The following HAUS6 variants were observed in gnomAD, a reference collection of about 807,000 sequenced individuals.
HAUS6 encodes HAUS augmin like complex subunit 6.
In HAUS6, 80 loss-of-function variants were observed where a neutral mutation model predicts 106.8. The ratio of observed to expected loss-of-function variants is 0.75; its 90% CI spans 0.63 to 0.90. The LOEUF (loss-of-function observed/expected upper bound fraction) is 0.90, where lower values mean the gene tolerates loss of function less well. Ranked by LOEUF, HAUS6 falls within the 40% of genes least tolerant of loss-of-function variation. HAUS6 has a pLI of 0.00. For missense variants in HAUS6, 1,155 were observed against 1,118.1 expected, an observed-to-expected ratio of 1.03 and a Z score of -0.47; for synonymous variants, 356 against 379.1, an observed-to-expected ratio of 0.94 and a Z score of 0.71.
chr9:19,080,980 G>A (rs1284053341), intron 8 of HAUS6, among the ~76,000 whole-genome samples: 1 of 152,046 alleles, frequency 6.6e-6, no homozygotes, highest in East Asian at 1.9e-4. Context: ...GCTGAGGCAG[G>A]AGAATCGCTT....
intron 11 of HAUS6, among the ~76,000 whole-genome samples, chr9:19,074,795 T>A (rs1484830666): frequency 6.6e-6 from 1 of 152,196 alleles, no homozygotes; most frequent in Non-Finnish European, 1.5e-5. Flanking sequence ...ATAAAATTTG[T>A]TTTTTATTCA....
intron 1 of HAUS6, among the ~76,000 whole-genome samples, chr9:19,099,525 T>C (rs1247448589): frequency 2.0e-5 from 3 of 152,128 alleles, no homozygotes; most frequent in Admixed American, 6.6e-5. Context: ...AGTGCAGTGC[T>C]ACCATCATAG....
intron 6 of HAUS6, 137 bp downstream of exon 6, chr9:19,086,954 C>G: frequency 1.6e-6 from 1 of 631,370 alleles, no homozygotes; most frequent in Non-Finnish European, 2.8e-6. Flanking sequence ...GCAGTCATAA[C>G]TATGCTCTAA....
chr9:19,092,482 G>A (rs1011109420), intron 4 of HAUS6, among the ~76,000 whole-genome samples: 1 of 151,786 alleles, frequency 6.6e-6, no homozygotes, highest in Non-Finnish European at 1.5e-5. Flanking sequence ...GGGTGTAGAA[G>A]TGCATGCCTG....
rs756480163 is a variant in HAUS6 at position 19,058,374 on chromosome 9, T to C, written c.2393A>G (p.Asn798Ser). 2 of 1,613,912 alleles carry C rather than the reference T, an allele frequency of 1.2e-6. No individual in the cohort carries two copies. The highest frequency in any genetic ancestry group is 1.7e-5 in the Admixed American group (1 of 60,004). ...SFNSSSSSEA[N>S]FKLEPNSPMH... is the part of the protein sequence containing the mutation. ...AGGACTATTTGGCTCCAGTTTAAAA[T>C]TGGCCTCTGAACTACTGGAACTATT... Residue 798 changes from asparagine (N) to serine (S), a missense_variant, in exon 16 of 17, where the codon AAT (asparagine) becomes AGT (serine). Asn to Ser is a conservative substitution (Grantham distance 46). Around this residue, in one of 3 missense-constraint regions of HAUS6, gnomAD observed 380 missense variants for 394.8 expected, o/e 0.96. Coordinates refer to ENST00000380502, the MANE Select transcript of HAUS6 (RefSeq NM_017645.5).
rs1332913155 is a variant in HAUS6, at chr9:19,058,942, C to A, written c.1825G>T (p.Glu609Ter). Residue 609 changes from glutamate to a stop codon, truncating the protein, a stop_gained, in exon 16 of 17, where the codon GAA becomes TAA. Coordinates refer to ENST00000380502, the MANE Select transcript of HAUS6 (RefSeq NM_017645.5). LOFTEE classifies it high-confidence loss of function. Reference sequence around the variant, plus strand: ...TGTTCAGCATCCATTTGAATTGGTTCTTTAGTTCTGTTTTCTTCCATTTCA... The same window carrying A: ...TGTTCAGCATCCATTTGAATTGGTTATTTAGTTCTGTTTTCTTCCATTTCA... ...AIEMEENRTK[E>*]PIQMDAEHRE... The A allele has an allele frequency of 6.2e-7, 1 of 1,603,442 alleles. No homozygotes were observed. Among genetic ancestry groups the A allele is most frequent in the Non-Finnish European group, 8.5e-7 (1 of 1,170,564 alleles).
intron 8 of HAUS6, among the ~76,000 whole-genome samples, chr9:19,081,922 G>C (rs145125921): frequency 5.8e-4 from 88 of 152,158 alleles, no homozygotes; most frequent in African/African-American, 2.0e-3. Context: ...TCTCTCTTCA[G>C]AGAGTCACAA....
intron 14 of HAUS6, among the ~76,000 whole-genome samples, chr9:19,061,217 A>T (rs540513328): frequency 5.9e-5 from 9 of 152,114 alleles, no homozygotes; most frequent in Non-Finnish European, 8.8e-5. Context: ...GGCCCATGGA[A>T]AAAAAGGGCT....
intron 14 of HAUS6, among the ~76,000 whole-genome samples, chr9:19,061,378 C>A (rs1449691420): frequency 6.6e-6 from 1 of 152,112 alleles, no homozygotes; most frequent in Non-Finnish European, 1.5e-5. Context: ...AATATAAATT[C>A]TTTTAATCAG....
Position 19,078,325 on chromosome 9 carries a change from T to C in HAUS6, c.1065-23A>G, listed in dbSNP as rs751793119. On this transcript the variant is annotated intron_variant, in intron 9 of 16. Transcript: ENST00000380502. ...TACCTATAATAGCATAAAAAAACTT[T>C]ATTCAAAAGATGATACAAAAAAAGC... 31 of 1,295,806 alleles carry C rather than the reference T, an allele frequency of 2.4e-5. No individual in the cohort carries two copies. In the South Asian group the frequency reaches 3.6e-4, roughly 15 times the overall value. 80.3% of individuals were successfully genotyped at this position (1,295,806 alleles called of 1,614,324 possible).
In HAUS6 at chr9:19,055,574, AAGT is replaced by A. The variant is rs1836452036; in HGVS notation, c.*766_*768del. The A allele has an allele frequency of 6.6e-6, 1 of 152,384 alleles. No individual in the cohort carries two copies. Among genetic ancestry groups the A allele is most frequent in the Non-Finnish European group, 1.5e-5 (1 of 68,046 alleles). The allele number at this position is 152,384 out of a possible 1,614,324, so 9.4% of individuals were successfully genotyped here. A position where few individuals can be genotyped will look rare whatever the true frequency, so the allele number is the denominator to read the frequency against. On this transcript the variant is annotated 3_prime_UTR_variant, in exon 17 of 17. Coordinates refer to ENST00000380502, the MANE Select transcript of HAUS6 (RefSeq NM_017645.5). The stretch of plus-strand genomic sequence containing the variant: ...AATTTATATTTTTGTTAAAATATAA[AAGT>A]AGCATTAAATTATCAAAGTCTAAAT...
At chr9:19,101,689 A>G (rs1167190780) in intron 1 of HAUS6, among the ~76,000 whole-genome samples, 1 of 152,212 alleles carries the variant, frequency 6.6e-6, no homozygotes, top group African/African-American at 2.4e-5. Flanking sequence ...TGGGAGGCCG[A>G]GGCAGGTGGA....
intron 11 of HAUS6, among the ~76,000 whole-genome samples, chr9:19,072,240 C>T (rs1291515673): frequency 1.3e-5 from 2 of 151,182 alleles, no homozygotes; most frequent in East Asian, 1.9e-4. Flanking sequence ...GGGCCAGGTA[C>T]GATGACTAAC....
intron 5 of HAUS6, 142 bp downstream of exon 5, chr9:19,089,265 AAAAAG>A: frequency 8.2e-6 from 5 of 609,736 alleles, no homozygotes; most frequent in South Asian, 2.1e-5. Flanking sequence ...AGGGAAAAAA[AAAAAG>A]AAGAAGAAGT....
intron 13 of HAUS6, 54 bp downstream of exon 13, chr9:19,063,460 T>C: frequency 1.2e-6 from 1 of 862,940 alleles, no homozygotes; most frequent in Non-Finnish European, 1.8e-6. Context: ...AAATAAATAA[T>C]ATTTTATAAT....
At chr9:19,091,083 A>G (rs1053385230) in intron 4 of HAUS6, among the ~76,000 whole-genome samples, 3 of 151,756 alleles carry the variant, frequency 2.0e-5, no homozygotes, top group African/African-American at 7.2e-5. Flanking sequence ...GGTGGATCAC[A>G]AGGTCAGGAG....
At chr9:19,082,385 A>G (rs1280312655) in intron 8 of HAUS6, among the ~76,000 whole-genome samples, 8 of 152,220 alleles carry the variant, frequency 5.3e-5, no homozygotes, top group Non-Finnish European at 1.2e-4. Flanking sequence ...GCAATTAATA[A>G]AAGTGAATAT....
intron 12 of HAUS6, among the ~76,000 whole-genome samples, chr9:19,068,919 A>T (rs1052590180): frequency 6.6e-6 from 1 of 152,192 alleles, no homozygotes; most frequent in Non-Finnish European, 1.5e-5. Context: ...TTACTGGAGG[A>T]AGTTAGAACA....
At position 19,059,017 on chromosome 9, in the gene HAUS6, A is replaced by G; in HGVS notation, c.1766-16T>C. 7.2e-7 allele frequency: 1 copy of G among 1,386,452 alleles called. No homozygotes were observed. 85.9% of individuals were successfully genotyped at this position (1,386,452 alleles called of 1,614,324 possible). A position where few individuals can be genotyped will look rare whatever the true frequency, so the allele number is the denominator to read the frequency against. ...ATTTCAGTTACTAATTAAAGGGGAG[A>G]AAAACACAGTTTACTAACATTCCCA... On this transcript the variant is annotated splice_polypyrimidine_tract_variant and intron_variant, in intron 15 of 16. Transcript: ENST00000380502.
Sources: allele counts gnomAD v4.1 joint callset (sites outside exome capture counted in the v4.1 genomes callset), GRCh38; gene constraint gnomAD v4.1.1; regional missense constraint gnomAD v4.1.1; transcripts MANE v1.5; gene names NCBI Gene and HGNC (gene_info 2026-07-23, HGNC 2026-07-21).